PITPNB: variants seen among roughly 807,000 people sequenced by gnomAD.
The protein encoded by PITPNB is phosphatidylinositol transfer protein beta isoform.
A neutral mutation model predicts 45.9 loss-of-function variants in PITPNB; 16 were observed. That is an observed-to-expected ratio of 0.35 (90% CI 0.24 to 0.53). The LOEUF is 0.53. PITPNB is among the 20% of genes least tolerant of loss of function. PITPNB has a pLI of 0.93. For missense variants in PITPNB, 188 were observed against 330.5 expected (o/e 0.57, Z 3.34); for synonymous variants, 112 against 108.9 (o/e 1.03, Z -0.18).
In PITPNB at chr22:27,851,807, A is replaced by G. The variant is rs796686467; in HGVS notation, c.*1895T>C. The G allele has an allele frequency of 2.8e-4, 42 of 152,340 alleles. 1 individual carries two copies. The highest frequency in any genetic ancestry group is 9.6e-4 in the African/African-American group (40 of 41,576). The allele number at this position is 152,340 out of a possible 1,614,324, so 9.4% of individuals were successfully genotyped here. A position where few individuals can be genotyped will look rare whatever the true frequency, so the allele number is the denominator to read the frequency against. On this transcript the variant is annotated 3_prime_UTR_variant, in exon 12 of 12. Coordinates refer to ENST00000335272, the MANE Select transcript of PITPNB (RefSeq NM_012399.5). ...CCTCAAATCTCCACAGTTGTTAGAA[A>G]AACATTAAAATCCATGCGCCGGGCT...
rs1317876607 is a variant in PITPNB, at chr22:27,857,272, A to G, written c.768+1115T>C. Among the ~76,000 whole-genome samples the G allele has an allele frequency of 2.6e-5, 4 of 152,360 alleles. No individual in the cohort carries two copies. The East Asian group carries it at 5.8e-4, about 22-fold the overall frequency. On this transcript the variant is annotated intron_variant, in intron 10 of 11. Coordinates refer to ENST00000335272, the MANE Select transcript of PITPNB (RefSeq NM_012399.5). ...AAATTTTTTGGAACAAAATCCATTCATAAGTTGGAGTCTGCCTATAGTTTA... is the reference window on the plus strand; with the variant it reads ...AAATTTTTTGGAACAAAATCCATTCGTAAGTTGGAGTCTGCCTATAGTTTA...
chr22:27,854,504 C>G (rs1253318796), intron 11 of PITPNB, among the ~76,000 whole-genome samples: 2 of 152,056 alleles, frequency 1.3e-5, no homozygotes, highest in African/African-American at 2.4e-5. Context: ...TTGCATATTT[C>G]CTTACTAACC....
At chr22:27,907,267 G>C (rs1045545383) in intron 3 of PITPNB, among the ~76,000 whole-genome samples, 2 of 152,202 alleles carry the variant, frequency 1.3e-5, no homozygotes, top group African/African-American at 4.8e-5. Context: ...TCATGGGGCT[G>C]CACCTTTAGG....
chr22:27,871,584 C>T (rs1308037438), intron 8 of PITPNB, among the ~76,000 whole-genome samples: 2 of 152,138 alleles, frequency 1.3e-5, no homozygotes, highest in Non-Finnish European at 2.9e-5. Context: ...AAGGGCTTCT[C>T]CTCCAACTAA....
At chr22:27,893,582 CTT>C (rs745878388) in intron 7 of PITPNB, among the ~76,000 whole-genome samples, 195 of 74,002 alleles carry the variant, frequency 2.6e-3, no homozygotes, top group African/African-American at 8.9e-3. Context: ...CATGTCTAGC[CTT>C]TTTTTTTTTT....
intron 10 of PITPNB, among the ~76,000 whole-genome samples, chr22:27,856,755 C>T (rs1934185731): frequency 6.6e-6 from 1 of 152,202 alleles, no homozygotes; most frequent in African/African-American, 2.4e-5. Flanking sequence ...TCTCTTGCTG[C>T]TTCTGTTTCA....
At position 27,911,211 on chromosome 22, in the gene PITPNB, C is replaced by G. The variant is rs1601430292; in HGVS notation, c.52-102G>C. 3 of 760,462 alleles carry G rather than the reference C, an allele frequency of 3.9e-6. No individual in the cohort carries two copies. In the Admixed American group the frequency reaches 6.5e-5, roughly 17 times the overall value. The allele number at this position is 760,462 out of a possible 1,614,324, so 47.1% of individuals were successfully genotyped here. ...TATAGATGATATAGAAAAGCATATC[C>G]AAACCATTCAGCACAACTGTGTTCA... On this transcript the variant is annotated intron_variant, in intron 2 of 11. Coordinates refer to ENST00000335272, the MANE Select transcript of PITPNB (RefSeq NM_012399.5).
At chr22:27,903,768 C>A (rs1321663033) in intron 3 of PITPNB, among the ~76,000 whole-genome samples, 28 of 137,448 alleles carry the variant, frequency 2.0e-4, no homozygotes, top group Non-Finnish European at 1.4e-4. Context: ...ATAGTGAGAC[C>A]CTGTCTCCCA....
At chr22:27,854,071 G>C (rs1934104547) in intron 11 of PITPNB, among the ~76,000 whole-genome samples, 2 of 152,130 alleles carry the variant, frequency 1.3e-5, no homozygotes, top group South Asian at 4.1e-4. Context: ...AAAAATTAAA[G>C]AGCAGGTAGC....
chr22:27,872,266 G>T (rs1934689242), intron 8 of PITPNB, among the ~76,000 whole-genome samples: 2 of 151,556 alleles, frequency 1.3e-5, no homozygotes, highest in Non-Finnish European at 1.5e-5. Context: ...GCTAATTTTT[G>T]GATTTTTAGT....
chr22:27,854,415 A>G (rs1253532950), intron 11 of PITPNB, among the ~76,000 whole-genome samples: 2 of 152,210 alleles, frequency 1.3e-5, no homozygotes, highest in African/African-American at 2.4e-5. Flanking sequence ...GTGCACAGAA[A>G]ATATTGCAGC....
At chr22:27,867,535 T>C (rs1169031654) in intron 8 of PITPNB, among the ~76,000 whole-genome samples, 2 of 152,216 alleles carry the variant, frequency 1.3e-5, no homozygotes, top group Non-Finnish European at 2.9e-5. Flanking sequence ...TCAGTCACAT[T>C]TTCCATGTTC....
intron 9 of PITPNB, among the ~76,000 whole-genome samples, chr22:27,859,168 G>C (rs1463587095): frequency 2.6e-5 from 4 of 152,130 alleles, no homozygotes; most frequent in Non-Finnish European, 4.4e-5. Flanking sequence ...CTTCTTCCAT[G>C]AATAGAAAGG....
At chr22:27,859,027 T>C (rs1934246055) in intron 9 of PITPNB, among the ~76,000 whole-genome samples, 1 of 152,218 alleles carries the variant, frequency 6.6e-6, no homozygotes, top group African/African-American at 2.4e-5. Flanking sequence ...CTATTATAAA[T>C]ATATTTAAAA....
intron 8 of PITPNB, among the ~76,000 whole-genome samples, chr22:27,869,195 C>A (rs1450404510): frequency 6.6e-6 from 1 of 152,256 alleles, no homozygotes; most frequent in South Asian, 2.1e-4. Context: ...GGTTATAAAT[C>A]GCTTTCCTAT....
At chr22:27,907,025 T>C (rs919822823) in intron 3 of PITPNB, among the ~76,000 whole-genome samples, 6 of 152,332 alleles carry the variant, frequency 3.9e-5, no homozygotes, top group African/African-American at 1.4e-4. Flanking sequence ...ATTTCAAGTA[T>C]CTCAAAAGTA....
intron 7 of PITPNB, among the ~76,000 whole-genome samples, chr22:27,874,618 CTCT>C (rs1934765557): frequency 6.6e-6 from 1 of 152,140 alleles, no homozygotes; most frequent in Non-Finnish European, 1.5e-5. Context: ...TACAAAAGTT[CTCT>C]TGTCATTACA....
At chr22:27,901,766 C>A (rs1935601325) in intron 3 of PITPNB, among the ~76,000 whole-genome samples, 1 of 152,064 alleles carries the variant, frequency 6.6e-6, no homozygotes, top group African/African-American at 2.4e-5. Flanking sequence ...TGCCTACAAT[C>A]CCAGCCACTT....
chr22:27,910,269 T>C (rs1935884111), intron 3 of PITPNB, among the ~76,000 whole-genome samples: 1 of 151,964 alleles, frequency 6.6e-6, no homozygotes, highest in Non-Finnish European at 1.5e-5. Flanking sequence ...GCTGTTGTTG[T>C]TGTTGTACTA....
Sources: gnomAD v4.1 joint callset for allele counts (sites outside exome capture counted in the v4.1 genomes callset) on GRCh38, gnomAD v4.1.1 for gene constraint, MANE v1.5 for transcripts, NCBI Gene and HGNC (gene_info 2026-07-23, HGNC 2026-07-21) for gene names.